The following MARCHF4 variants were observed in gnomAD, a reference collection of about 807,000 sequenced individuals.
MARCHF4 encodes the protein E3 ubiquitin-protein ligase MARCHF4.
MARCHF4 carries 14 observed loss-of-function variants against 43.9 expected under a neutral mutation model. The ratio of observed to expected loss-of-function variants is 0.32; its 90% CI spans 0.21 to 0.50. MARCHF4 has a LOEUF of 0.50. MARCHF4 is among the 20% of genes least tolerant of loss of function. MARCHF4 has a pLI of 0.98. For synonymous variants in MARCHF4, 226 were observed against 213.3 expected, an observed-to-expected ratio of 1.06 and a Z score of -0.52; for missense variants, 468 against 536.7, an observed-to-expected ratio of 0.87 and a Z score of 1.27.
At chr2:216,262,756 T>C (rs1256942295) in intron 3 of MARCHF4, among the ~76,000 whole-genome samples, 12 of 152,168 alleles carry the variant, frequency 7.9e-5, no homozygotes, top group South Asian at 2.1e-4. Context: ...ATCCCCTTTT[T>C]ATAACAAATA....
intron 1 of MARCHF4, among the ~76,000 whole-genome samples, chr2:216,285,866 G>A (rs1260589813): frequency 2.6e-5 from 4 of 152,222 alleles, no homozygotes; most frequent in South Asian, 2.1e-4. Context: ...AAGCAGCCAC[G>A]TCAAATTGCC....
chr2:216,309,784 G>A (rs946051594), intron 1 of MARCHF4, among the ~76,000 whole-genome samples: 6 of 152,144 alleles, frequency 3.9e-5, no homozygotes, highest in African/African-American at 1.4e-4. Flanking sequence ...GTAACCACAT[G>A]CAGCCATTCA....
intron 1 of MARCHF4, among the ~76,000 whole-genome samples, chr2:216,336,742 TAAAA>T (rs58031229): frequency 0.013 from 717 of 55,650 alleles, 17 homozygotes; most frequent in African/African-American, 0.032. Flanking sequence ...CAAATAGATT[TAAAA>T]AAAAAAAAAA....
intron 1 of MARCHF4, among the ~76,000 whole-genome samples, chr2:216,357,346 A>G (rs2105982686): frequency 6.6e-6 from 1 of 152,238 alleles, no homozygotes; most frequent in African/African-American, 2.4e-5. Context: ...ATTTTTTGAC[A>G]TGGTCTTGCT....
intron 1 of MARCHF4, among the ~76,000 whole-genome samples, chr2:216,289,981 C>G (rs1691283537): frequency 6.6e-6 from 1 of 152,172 alleles, no homozygotes; most frequent in South Asian, 2.1e-4. Context: ...GGGCCTTGCT[C>G]AATTATCATT....
At chr2:216,292,418 G>A in intron 1 of MARCHF4, among the ~76,000 whole-genome samples, 1 of 152,226 alleles carries the variant, frequency 6.6e-6, no homozygotes, top group Non-Finnish European at 1.5e-5. Context: ...CCTCCAGGGT[G>A]GAGGTGGAGC....
At chr2:216,361,850 A>T (rs1692588156) in intron 1 of MARCHF4, among the ~76,000 whole-genome samples, 1 of 152,218 alleles carries the variant, frequency 6.6e-6, no homozygotes, top group Admixed American at 6.5e-5. Context: ...GCTCCATTCC[A>T]GGTCTCTGAG....
chr2:216,300,888 A>G (rs189918847), intron 1 of MARCHF4, among the ~76,000 whole-genome samples: 47 of 152,294 alleles, frequency 3.1e-4, no homozygotes, highest in South Asian at 6.2e-4. Flanking sequence ...ATCTGGGTCC[A>G]CTACCACAAA....
chr2:216,323,595 C>G (rs964704718), intron 1 of MARCHF4, among the ~76,000 whole-genome samples: 1 of 152,036 alleles, frequency 6.6e-6, no homozygotes. Flanking sequence ...TAAAAGAACA[C>G]AAATTATAAC....
intron 1 of MARCHF4, among the ~76,000 whole-genome samples, chr2:216,346,792 G>T (rs910586376): frequency 1.3e-5 from 2 of 152,182 alleles, no homozygotes; most frequent in Non-Finnish European, 2.9e-5. Flanking sequence ...TAGGCCATGA[G>T]TTTAGAGAGG....
At chr2:216,300,213 G>A (rs1691465040) in intron 1 of MARCHF4, among the ~76,000 whole-genome samples, 1 of 151,786 alleles carries the variant, frequency 6.6e-6, no homozygotes, top group South Asian at 2.1e-4. Flanking sequence ...TTGCTATAAT[G>A]TATGTAAAAT....
intron 2 of MARCHF4, among the ~76,000 whole-genome samples, chr2:216,278,543 T>G (rs1307216450): frequency 2.6e-5 from 4 of 152,194 alleles, no homozygotes; most frequent in East Asian, 1.9e-4. Context: ...GATCATTCTT[T>G]TCAGAGAAAC....
At chr2:216,354,606 G>A (rs1692453054) in intron 1 of MARCHF4, among the ~76,000 whole-genome samples, 1 of 152,196 alleles carries the variant, frequency 6.6e-6, no homozygotes, top group East Asian at 1.9e-4. Context: ...CACTCAACCT[G>A]TACTGAGTGG....
intron 1 of MARCHF4, among the ~76,000 whole-genome samples, chr2:216,296,673 C>T (rs1691400770): frequency 6.6e-6 from 1 of 152,144 alleles, no homozygotes; most frequent in Non-Finnish European, 1.5e-5. Flanking sequence ...AAACCTCTGC[C>T]CTATCATTTT....
chr2:216,369,315 G>A (rs944705060), intron 1 of MARCHF4, among the ~76,000 whole-genome samples: 2 of 152,182 alleles, frequency 1.3e-5, no homozygotes, highest in Admixed American at 6.6e-5. Flanking sequence ...ACAAGATCTC[G>A]GCATACTCTC....
chr2:216,358,609 T>C (rs1292721221), intron 1 of MARCHF4, among the ~76,000 whole-genome samples: 1 of 152,190 alleles, frequency 6.6e-6, no homozygotes, highest in East Asian at 1.9e-4. Context: ...GGAATACTTA[T>C]TGCATGCTTA....
intron 1 of MARCHF4, among the ~76,000 whole-genome samples, chr2:216,310,190 A>C (rs1441415561): frequency 1.3e-5 from 2 of 152,224 alleles, no homozygotes; most frequent in Non-Finnish European, 2.9e-5. Flanking sequence ...CCTTGACTCC[A>C]GTGATGAGTC....
At chr2:216,334,962 C>A (rs78590526) in intron 1 of MARCHF4, among the ~76,000 whole-genome samples, 6,277 of 152,210 alleles carry the variant, frequency 0.041, 464 homozygotes, top group African/African-American at 0.14. Flanking sequence ...AGGAAGGGAA[C>A]CTTCAGAACT....
At chr2:216,323,683 G>C (rs1424565699) in intron 1 of MARCHF4, among the ~76,000 whole-genome samples, 1 of 152,036 alleles carries the variant, frequency 6.6e-6, no homozygotes, top group African/African-American at 2.4e-5. Context: ...TCAACTACAT[G>C]GAAACTGAAC....
Sources: allele counts gnomAD v4.1 joint callset (sites outside exome capture counted in the v4.1 genomes callset), GRCh38; gene constraint gnomAD v4.1.1; transcripts MANE v1.5; gene names NCBI Gene and HGNC (gene_info 2026-07-23, HGNC 2026-07-21).